Variants in CSMD1 observed in about 807,000 individuals in gnomAD.
CSMD1 encodes the protein CUB and sushi domain-containing protein 1.
CSMD1 carries 213 observed loss-of-function variants against 417.5 expected under a neutral mutation model. That is an observed-to-expected ratio of 0.51 (90% CI 0.46 to 0.57). The LOEUF (loss-of-function observed/expected upper bound fraction) is 0.57. Ranked by LOEUF, CSMD1 falls within the 20% of genes least tolerant of loss-of-function variation. The pLI is 0.00. For synonymous variants in CSMD1, 2,862 were observed against 1,736.8 expected (o/e 1.65, Z -16.11); for missense variants, 6,923 against 4,529.7 (o/e 1.53, Z -15.17).
intron 10 of CSMD1, among the ~76,000 whole-genome samples, chr8:3,512,606 T>TC (rs1797123628): frequency 6.6e-6 from 1 of 150,422 alleles, no homozygotes; most frequent in Non-Finnish European, 1.5e-5. Context: ...TTTTCTTTTT[T>TC]TTTTTTTTTT....
chr8:4,554,997 G>A (rs957129182), intron 2 of CSMD1, among the ~76,000 whole-genome samples: 1 of 152,210 alleles, frequency 6.6e-6, no homozygotes, highest in Non-Finnish European at 1.5e-5. Context: ...GGAACACAGA[G>A]CCAGAAGGAG....
chr8:3,702,816 G>C lies in CSMD1; in HGVS notation c.1009+5598C>G, dbSNP rs142798165. On this transcript the variant is annotated intron_variant, in intron 7 of 69. Coordinates refer to ENST00000635120, the MANE Select transcript of CSMD1 (RefSeq NM_033225.6). ...CACACTCCAGCCTGGGTGACAGAAC[G>C]AGACTCTGTCTCAATAACAAACAAA... is the stretch of plus-strand genomic sequence containing the variant. Among the ~76,000 whole-genome samples, 746 of 152,256 alleles carry C rather than the reference G, an allele frequency of 4.9e-3. 8 individuals carry two copies. Among genetic ancestry groups the C allele is most frequent in the African/African-American group, 0.017 (710 of 41,538 alleles).
chr8:4,395,230 C>T (rs568224649), intron 3 of CSMD1, among the ~76,000 whole-genome samples: 1 of 152,166 alleles, frequency 6.6e-6, no homozygotes, highest in Non-Finnish European at 1.5e-5. Context: ...TTTTCTCCTC[C>T]CAACTGTTTA....
At chr8:3,932,944 T>C (rs1360633510) in intron 5 of CSMD1, among the ~76,000 whole-genome samples, 1 of 150,358 alleles carries the variant, frequency 6.7e-6, no homozygotes, top group African/African-American at 2.5e-5. Flanking sequence ...TTTTTAAAAG[T>C]GTATGTGAAT....
chr8:4,031,379 G>T (rs1179274974), intron 4 of CSMD1, among the ~76,000 whole-genome samples: 1 of 152,190 alleles, frequency 6.6e-6, no homozygotes, highest in Non-Finnish European at 1.5e-5. Context: ...ATGCATGGCA[G>T]CAGGCAAAGA....
chr8:3,916,177 G>C (rs1808815843), intron 5 of CSMD1, among the ~76,000 whole-genome samples: 1 of 151,956 alleles, frequency 6.6e-6, no homozygotes, highest in African/African-American at 2.4e-5. Context: ...AGAAATTGAA[G>C]ACAACAATAC....
intron 1 of CSMD1, among the ~76,000 whole-genome samples, chr8:4,794,153 A>T (rs573489936): frequency 3.3e-5 from 5 of 152,162 alleles, no homozygotes; most frequent in Admixed American, 3.3e-4. Context: ...AGACAGTCAA[A>T]CTCAATATTG....
chr8:3,141,800 C>CCTT (rs1818500579), intron 41 of CSMD1, among the ~76,000 whole-genome samples: 1 of 144,216 alleles, frequency 6.9e-6, no homozygotes, highest in East Asian at 2.0e-4. Context: ...GCCAAATTAT[C>CCTT]TTTTTTTTTT....
chr8:3,910,678 A>C (rs1808404277), intron 5 of CSMD1, among the ~76,000 whole-genome samples: 1 of 152,248 alleles, frequency 6.6e-6, no homozygotes, highest in South Asian at 2.1e-4. Context: ...TCTATAATCT[A>C]TTTTCCCCTT....
At chr8:4,457,089 AAAT>A (rs1241910407) in intron 2 of CSMD1, among the ~76,000 whole-genome samples, 1 of 152,098 alleles carries the variant, frequency 6.6e-6, no homozygotes, top group Non-Finnish European at 1.5e-5. Context: ...GCACAGAGAA[AAAT>A]AATATGACTA....
chr8:4,426,411 A>T (rs1797557701), intron 2 of CSMD1, among the ~76,000 whole-genome samples: 1 of 149,164 alleles, frequency 6.7e-6, no homozygotes, highest in South Asian at 2.1e-4. Context: ...TATATACTAT[A>T]TATACAATAT....
At chr8:3,549,512 G>C (rs1377242206) in intron 10 of CSMD1, among the ~76,000 whole-genome samples, 1 of 152,212 alleles carries the variant, frequency 6.6e-6, no homozygotes, top group Admixed American at 6.5e-5. Flanking sequence ...TGGGTCGTCA[G>C]GGCTCTCCTT....
chr8:3,190,678 C>T (rs1585607334), intron 33 of CSMD1, among the ~76,000 whole-genome samples: 1 of 152,246 alleles, frequency 6.6e-6, no homozygotes, highest in East Asian at 1.9e-4. Flanking sequence ...AGAGAAAAAT[C>T]GGTACTCTCA....
chr8:3,364,674 C>T (rs1035298081), intron 20 of CSMD1, among the ~76,000 whole-genome samples: 5 of 152,172 alleles, frequency 3.3e-5, no homozygotes, highest in African/African-American at 4.8e-5. Flanking sequence ...TCTTTTACCC[C>T]ATGGGGATAT....
chr8:3,477,309 A>C (rs184806423), intron 11 of CSMD1, among the ~76,000 whole-genome samples: 4 of 152,344 alleles, frequency 2.6e-5, no homozygotes, highest in Admixed American at 2.0e-4. Context: ...TTGACAATGG[A>C]AACGTAAAGC....
chr8:4,692,077 G>A (rs1806804278), intron 1 of CSMD1, among the ~76,000 whole-genome samples: 1 of 152,088 alleles, frequency 6.6e-6, no homozygotes, highest in South Asian at 2.1e-4. Flanking sequence ...CCCTACAAAT[G>A]GGACTTGCTG....
At chr8:3,425,168 G>A (rs760422078) in intron 12 of CSMD1, among the ~76,000 whole-genome samples, 2 of 152,168 alleles carry the variant, frequency 1.3e-5, no homozygotes, top group Non-Finnish European at 2.9e-5. Flanking sequence ...TGTCTAGCCT[G>A]TCAATTAAAC....
chr8:3,059,734 G>A (rs959172883), intron 49 of CSMD1, among the ~76,000 whole-genome samples: 2 of 152,152 alleles, frequency 1.3e-5, no homozygotes, highest in African/African-American at 4.8e-5. Flanking sequence ...AGTGGACTGG[G>A]GGAGGGGAAA....
chr8:2,991,359 T>C (rs1489870747), intron 54 of CSMD1, among the ~76,000 whole-genome samples: 1 of 152,224 alleles, frequency 6.6e-6, no homozygotes, highest in African/African-American at 2.4e-5. Flanking sequence ...CGAATGAAAC[T>C]GTCACTGTTG....
Sources: allele counts gnomAD v4.1 joint callset (sites outside exome capture counted in the v4.1 genomes callset), GRCh38; gene constraint gnomAD v4.1.1; transcripts MANE v1.5; gene names NCBI Gene and HGNC (gene_info 2026-07-23, HGNC 2026-07-21).